PPP6R2: variants seen among roughly 807,000 people sequenced by gnomAD.
PPP6R2 encodes the protein protein phosphatase 6 regulatory subunit 2.
Under a neutral mutation model 100.2 loss-of-function variants are expected in PPP6R2, and 62 were observed. That is an observed-to-expected ratio of 0.62 (90% confidence interval 0.50 to 0.76). The LOEUF is 0.76. Ranked by LOEUF, PPP6R2 falls within the 30% of genes least tolerant of loss-of-function variation. PPP6R2 has a pLI of 0.00. For missense variants in PPP6R2, 1,142 were observed against 1,276.3 expected (o/e 0.89, Z 1.60); for synonymous variants, 525 against 514.7 (o/e 1.02, Z -0.27).
intron 2 of PPP6R2, among the ~76,000 whole-genome samples, chr22:50,381,849 A>G (rs771371508): frequency 1.3e-5 from 2 of 151,466 alleles, no homozygotes; most frequent in African/African-American, 2.4e-5. Context: ...CGGAGCTTGC[A>G]GTGTGCTGAG....
chr22:50,394,432 T>G (rs1293431320), intron 3 of PPP6R2, among the ~76,000 whole-genome samples: 1 of 128,148 alleles, frequency 7.8e-6, no homozygotes, highest in Non-Finnish European at 1.8e-5. Context: ...CTGTCTCTAT[T>G]AAATTTTTTT....
At chr22:50,339,025 GTGGTGT>G (rs1371502327), upstream of PPP6R2, among the ~76,000 whole-genome samples, 4 of 133,798 alleles carry the variant, frequency 3.0e-5, no homozygotes, top group South Asian at 2.5e-4. Context: ...GTGTGTGTGT[GTGGTGT>G]GTGTGTGTGG....
Position 50,408,842 on chromosome 22 carries a change from C to T in PPP6R2, c.414+1967C>T, listed in dbSNP as rs146064314. Among the ~76,000 whole-genome samples the T allele has an allele frequency of 6.4e-4, 98 of 152,294 alleles. 1 individual carries two copies. Among genetic ancestry groups the T allele is most frequent in the African/African-American group, 1.7e-3 (71 of 41,558 alleles). ...AAACATTTCTTCTGTTGGCTGGGTG[C>T]GGTGGCTCACGCCTGTAATCCCAGC... On this transcript the variant is annotated intron_variant, in intron 4 of 23. Coordinates refer to ENST00000612753, the MANE Select transcript of PPP6R2 (RefSeq NM_001242898.2).
chr22:50,331,785 G>A, the PPP6R2 span, among the ~76,000 whole-genome samples: 2 of 152,032 alleles, frequency 1.3e-5, no homozygotes, highest in East Asian at 1.9e-4. Flanking sequence ...ACCATTCCTG[G>A]ATAATTTTGT....
At chr22:50,367,577 GT>G (rs1274862532) in intron 1 of PPP6R2, among the ~76,000 whole-genome samples, 1 of 152,122 alleles carries the variant, frequency 6.6e-6, no homozygotes, top group Non-Finnish European at 1.5e-5. Flanking sequence ...AAGGCACATA[GT>G]TAAGTAGAAA....
intron 14 of PPP6R2, 51 bp downstream of exon 14, chr22:50,436,503 C>A (rs368268577): frequency 6.6e-6 from 10 of 1,522,164 alleles, no homozygotes; most frequent in East Asian, 2.4e-5. Flanking sequence ...GCTGGGACGC[C>A]GTCAGACGCT....
chr22:50,424,139 C>T (rs915724111), intron 10 of PPP6R2, among the ~76,000 whole-genome samples: 1 of 152,190 alleles, frequency 6.6e-6, no homozygotes, highest in Non-Finnish European at 1.5e-5. Flanking sequence ...GCAGCCCTGG[C>T]TGTGGGTGGC....
intron 1 of PPP6R2, among the ~76,000 whole-genome samples, chr22:50,363,598 C>T (rs1018229903): frequency 3.9e-5 from 6 of 152,212 alleles, no homozygotes; most frequent in Non-Finnish European, 4.4e-5. Flanking sequence ...CAGGAGCTGG[C>T]AACCTGCAGA....
chr22:50,372,758 G>A (rs908959971), intron 2 of PPP6R2, among the ~76,000 whole-genome samples: 9 of 149,404 alleles, frequency 6.0e-5, no homozygotes, highest in South Asian at 2.2e-4. Flanking sequence ...GTGTGATCTC[G>A]GCTCACTGCA....
intron 13 of PPP6R2, among the ~76,000 whole-genome samples, chr22:50,435,540 G>C (rs1342963465): frequency 6.6e-6 from 1 of 152,204 alleles, no homozygotes; most frequent in Non-Finnish European, 1.5e-5. Context: ...TGTTTCTTAA[G>C]AACGCAGTGG....
upstream of PPP6R2, among the ~76,000 whole-genome samples, chr22:50,338,627 T>A (rs1178484902): frequency 7.1e-6 from 1 of 141,354 alleles, no homozygotes; most frequent in Admixed American, 7.1e-5. Context: ...ATGTGTGGTA[T>A]ATGGTGTGTG....
chr22:50,429,102 C>A (rs1048800859), intron 10 of PPP6R2, among the ~76,000 whole-genome samples: 2 of 151,588 alleles, frequency 1.3e-5, no homozygotes, highest in Admixed American at 6.6e-5. Context: ...ATGATCTTGG[C>A]TCACGGCAAC....
intron 1 of PPP6R2, among the ~76,000 whole-genome samples, chr22:50,360,022 TCTAGGTTAA>T (rs1227487202): frequency 1.3e-5 from 2 of 151,364 alleles, no homozygotes; most frequent in East Asian, 3.9e-4. Flanking sequence ...GATACAGAAT[TCTAGGTTAA>T]CAGCTTTTTT....
intron 3 of PPP6R2, among the ~76,000 whole-genome samples, chr22:50,395,960 C>T (rs992227177): frequency 6.6e-6 from 1 of 151,832 alleles, no homozygotes; most frequent in Non-Finnish European, 1.5e-5. Context: ...TTTGGGAGGC[C>T]AAGGCGGGCG....
intron 6 of PPP6R2, among the ~76,000 whole-genome samples, chr22:50,416,707 A>G (rs2060588570): frequency 6.6e-6 from 1 of 151,958 alleles, no homozygotes; most frequent in African/African-American, 2.4e-5. Context: ...TCATGCCTGT[A>G]ATCCCAGCAC....
chr22:50,348,974 C>G (rs948986493), intron 1 of PPP6R2, among the ~76,000 whole-genome samples: 1 of 150,986 alleles, frequency 6.6e-6, no homozygotes, highest in African/African-American at 2.4e-5. Context: ...GGCGGATCAC[C>G]TGAGGTCAGG....
chr22:50,349,061 G>C (rs1476063756), intron 1 of PPP6R2, among the ~76,000 whole-genome samples: 2 of 151,950 alleles, frequency 1.3e-5, no homozygotes, highest in East Asian at 1.9e-4. Flanking sequence ...CAGGCATGGT[G>C]GTGGGCGCCT....
intron 8 of PPP6R2, among the ~76,000 whole-genome samples, chr22:50,421,031 G>A (rs1209506759): frequency 6.6e-6 from 1 of 152,206 alleles, no homozygotes; most frequent in Non-Finnish European, 1.5e-5. Context: ...AAGGAACAAT[G>A]AGAAAATGAT....
intron 1 of PPP6R2, among the ~76,000 whole-genome samples, chr22:50,360,810 C>T (rs1040077939): frequency 4.6e-5 from 7 of 152,332 alleles, no homozygotes; most frequent in African/African-American, 1.7e-4. Flanking sequence ...GCTGCTCACA[C>T]CAGTCTCTCT....
Sources: gnomAD v4.1 joint callset for allele counts (sites outside exome capture counted in the v4.1 genomes callset) on GRCh38, gnomAD v4.1.1 for gene constraint, MANE v1.5 for transcripts, NCBI Gene and HGNC (gene_info 2026-07-23, HGNC 2026-07-21) for gene names.